GLDC: variants seen among roughly 807,000 people sequenced by gnomAD.
The protein encoded by GLDC is glycine decarboxylase, also known as glycine dehydrogenase (decarboxylating), mitochondrial.
In GLDC, 104 loss-of-function variants were observed where a neutral mutation model predicts 121.3. The observed-to-expected ratio is 0.86, with a 90% confidence interval of 0.73 to 1.01. The LOEUF (loss-of-function observed/expected upper bound fraction) is 1.01, where lower values mean the gene tolerates loss of function less well. Among genes scored for constraint, GLDC ranks in the 50% least tolerant of loss-of-function variants. The pLI is 0.00. For missense variants in GLDC, 1,429 were observed against 1,306.6 expected (o/e 1.09, Z -1.44); for synonymous variants, 546 against 480.6 (o/e 1.14, Z -1.78).
At position 6,645,618 on chromosome 9, in the gene GLDC, A is replaced by C; in HGVS notation, c.-119T>G. Reference sequence around the variant, plus strand: ...CGGCCTGGAGCCCCTTTCGCTGGACAGTCGGCCGGACAGATGGATGGACGC... The same window carrying C: ...CGGCCTGGAGCCCCTTTCGCTGGACCGTCGGCCGGACAGATGGATGGACGC... On this transcript the variant is annotated 5_prime_UTR_variant, in exon 1 of 25. Transcript: ENST00000321612. The C allele has an allele frequency of 1.5e-6, 1 of 682,586 alleles. No individual in the cohort carries two copies. The highest frequency in any genetic ancestry group is 2.0e-6 in the Non-Finnish European group (1 of 494,470). The allele number at this position is 682,586 out of a possible 1,614,324, so 42.3% of individuals were successfully genotyped here. A position where few individuals can be genotyped will look rare whatever the true frequency, so the allele number is the denominator to read the frequency against.
intron 22 of GLDC, among the ~76,000 whole-genome samples, chr9:6,538,558 T>C (rs12345729): frequency 0.023 from 3,482 of 152,322 alleles, 128 homozygotes; most frequent in African/African-American, 0.08. Context: ...TAACACTATG[T>C]GTTGAGTGCC....
chr9:6,550,501 C>T (rs1014867826), intron 21 of GLDC, among the ~76,000 whole-genome samples: 6 of 152,072 alleles, frequency 3.9e-5, no homozygotes, highest in Admixed American at 6.6e-5. Context: ...GTGGTGCACA[C>T]GTGTAGTCCC....
rs3739653 is a variant in GLDC, at chr9:6,551,214, G to C, written c.2458-300C>G. ...TGTTATCTAAAGAGAGAAAAGAATT[G>C]TTCTTAAATTACATGTGTTTTGTGA... is the stretch of plus-strand genomic sequence containing the variant. On this transcript the variant is annotated intron_variant, in intron 20 of 24. Transcript: ENST00000321612. Among the ~76,000 whole-genome samples the C allele has an allele frequency of 0.23, 35,413 of 152,190 alleles. 4,616 individuals carry two copies. The highest frequency in any genetic ancestry group is 0.29 in the Admixed American group (4,389 of 15,290).
chr9:6,601,727 T>C (rs1818615253), intron 8 of GLDC, among the ~76,000 whole-genome samples: 1 of 152,046 alleles, frequency 6.6e-6, no homozygotes, highest in Admixed American at 6.6e-5. Flanking sequence ...CAGATTCTGG[T>C]GATCCTCCCA....
rs761960527 is a variant in GLDC at position 6,592,177 on chromosome 9, T to C, written c.1448A>G (p.Asp483Gly). 6.2e-7 allele frequency: 1 copy of C among 1,608,488 alleles called. No individual in the cohort carries two copies. The highest frequency in any genetic ancestry group is 8.5e-7 in the Non-Finnish European group (1 of 1,175,052). Residue 483 changes from aspartate (D) to glycine (G), a missense_variant, in exon 11 of 25, where the codon GAT (aspartate) becomes GGT (glycine). Asp to Gly is a moderately conservative substitution (Grantham distance 94). Coordinates refer to ENST00000321612, the MANE Select transcript of GLDC (RefSeq NM_000170.3). ...CTCACAACCAAAGATCCACAACAAA[T>C]CGTCCAGATCTTTTTCATTGACTGT... Reference protein sequence around the residue: ...DETVNEKDLDDLLWIFGCESS... With the variant: ...DETVNEKDLDGLLWIFGCESS...
chr9:6,565,239 A>G, intron 16 of GLDC, 115 bp downstream of exon 16: 3 of 805,214 alleles, frequency 3.7e-6, no homozygotes, highest in South Asian at 1.3e-5. Flanking sequence ...TCTTGACTAT[A>G]TGTTCCCTCA....
chr9:6,536,100 C>T lies in GLDC; in HGVS notation c.2802G>A (p.Glu934=). The change falls in exon 23 of 25, where the codon GAG becomes GAA. Residue 934 remains glutamate, a synonymous_variant. Coordinates refer to ENST00000321612, the MANE Select transcript of GLDC (RefSeq NM_000170.3). ...TGACCCTGGGGTCGATGCGGCCCTC[C>T]TCAATGTCAGCAATTTCCTGCCGAA... ...ISIRQEIADI[E]EGRIDPRVNP... The T allele has an allele frequency of 6.2e-7, 1 of 1,614,118 alleles. No homozygotes were observed. The highest frequency in any genetic ancestry group is 8.5e-7 in the Non-Finnish European group (1 of 1,179,994).
intron 22 of GLDC, among the ~76,000 whole-genome samples, chr9:6,537,851 TA>T (rs1817167940): frequency 6.6e-6 from 1 of 152,112 alleles, no homozygotes; most frequent in Admixed American, 6.5e-5. Flanking sequence ...ACCCACCACC[TA>T]GATTCTACAA....
chr9:6,598,004 C>G (rs1397073258), intron 8 of GLDC, among the ~76,000 whole-genome samples: 1 of 152,088 alleles, frequency 6.6e-6, no homozygotes, highest in Non-Finnish European at 1.5e-5. Flanking sequence ...AGTAATGCCA[C>G]AAATTTATAG....
chr9:6,567,799 C>T (rs1204345982), intron 15 of GLDC, among the ~76,000 whole-genome samples: 5 of 152,204 alleles, frequency 3.3e-5, no homozygotes, highest in Non-Finnish European at 7.3e-5. Context: ...TTCACATTTA[C>T]TTTGTATGCC....
At chr9:6,629,958 T>TAATATATATATGTA in intron 2 of GLDC, among the ~76,000 whole-genome samples, 2 of 78,672 alleles carry the variant, frequency 2.5e-5, no homozygotes, top group African/African-American at 1.2e-4. Flanking sequence ...TATATATATA[T>TAATATATATATGTA]TTTTTTTTTT....
chr9:6,550,779 T>A, intron 21 of GLDC, 24 bp downstream of exon 21: 1 of 1,483,956 alleles, frequency 6.7e-7, no homozygotes. Flanking sequence ...ACCAAAGTAA[T>A]GATAGATTAA....
chr9:6,606,792 G>A (rs548003966), intron 4 of GLDC, 123 bp from the exon 5 acceptor site: 7 of 739,506 alleles, frequency 9.5e-6, no homozygotes, highest in African/African-American at 5.2e-5. Context: ...TACTGAGTAG[G>A]CCGGGTGCGG....
intron 15 of GLDC, among the ~76,000 whole-genome samples, chr9:6,581,237 G>A (rs944594225): frequency 9.2e-5 from 14 of 152,164 alleles, no homozygotes; most frequent in East Asian, 7.7e-4. Flanking sequence ...CTCTTCACTG[G>A]GACAAATCGG....
rs1215409523 is a variant in GLDC, at chr9:6,622,897, C to T, written c.335-2578G>A. ...TGGGGAGCGCCTCTGCCCCGCCGCC[C>T]GGTCTGGGATGTGAGGAGCACCTCT... On this transcript the variant is annotated intron_variant, in intron 2 of 24. Coordinates refer to ENST00000321612, the MANE Select transcript of GLDC (RefSeq NM_000170.3). 8 of 202,828 alleles carry T rather than the reference C, an allele frequency of 3.9e-5. 1 individual carries two copies. In the East Asian group the frequency reaches 7.3e-4, roughly 19 times the overall value. The allele number at this position is 202,828 out of a possible 1,614,324, so 12.6% of individuals were successfully genotyped here.
At chr9:6,595,831 C>T (rs1330853716) in intron 8 of GLDC, among the ~76,000 whole-genome samples, 4 of 152,116 alleles carry the variant, frequency 2.6e-5, no homozygotes, top group Admixed American at 1.3e-4. Flanking sequence ...CCTGTCTCTG[C>T]AAAATACAGT....
chr9:6,606,539 CA>C, intron 5 of GLDC, 52 bp downstream of exon 5: 1 of 1,013,544 alleles, frequency 9.9e-7, no homozygotes, highest in East Asian at 2.4e-5. Context: ...AAAGAAACAG[CA>C]GAGATGAACA....
At chr9:6,608,564 C>G (rs1487867897) in intron 4 of GLDC, among the ~76,000 whole-genome samples, 1 of 148,014 alleles carries the variant, frequency 6.8e-6, no homozygotes, top group Non-Finnish European at 1.5e-5. Context: ...CAGGGTGAAA[C>G]CCCATCTCTA....
In GLDC at chr9:6,592,285, C is replaced by G. The variant is rs41281775; in HGVS notation, c.1402-62G>C. 3 of 1,017,808 alleles carry G rather than the reference C, an allele frequency of 2.9e-6. No individual in the cohort carries two copies. In the Admixed American group the frequency reaches 5.1e-5, roughly 17 times the overall value. 63.0% of individuals were successfully genotyped at this position (1,017,808 alleles called of 1,614,324 possible). A position where few individuals can be genotyped will look rare whatever the true frequency, so the allele number is the denominator to read the frequency against. ...TAAACTCCACATCACTGGAGGAATC[C>G]CAAGAGAGGTCAAAGGGGAGACAGT... On this transcript the variant is annotated intron_variant, in intron 10 of 24. Coordinates refer to ENST00000321612, the MANE Select transcript of GLDC (RefSeq NM_000170.3).
Sources: gnomAD v4.1 joint callset for allele counts (sites outside exome capture counted in the v4.1 genomes callset) on GRCh38, gnomAD v4.1.1 for gene constraint, MANE v1.5 for transcripts, NCBI Gene and HGNC (gene_info 2026-07-23, HGNC 2026-07-21) for gene names.